PI4K2A: variants seen among roughly 807,000 people sequenced by gnomAD.
The protein encoded by PI4K2A is phosphatidylinositol 4-kinase type 2-alpha.
PI4K2A carries 20 observed loss-of-function variants against 55.0 expected under a neutral mutation model. The ratio of observed to expected loss-of-function variants is 0.36; its 90% CI spans 0.26 to 0.53. The LOEUF (loss-of-function observed/expected upper bound fraction) is 0.53. Ranked by LOEUF, PI4K2A falls within the 20% of genes least tolerant of loss-of-function variation. The probability of loss-of-function intolerance (pLI) is 0.91; values close to 1 mark genes in which losing one functional copy is unlikely to be tolerated. For synonymous variants in PI4K2A, 235 were observed against 258.5 expected, an observed-to-expected ratio of 0.91 and a Z score of 0.87; for missense variants, 463 against 637.1, an observed-to-expected ratio of 0.73 and a Z score of 2.94.
intron 1 of PI4K2A, among the ~76,000 whole-genome samples, chr10:97,642,939 T>C (rs1004829158): frequency 2.0e-5 from 3 of 147,652 alleles, no homozygotes; most frequent in African/African-American, 7.7e-5. Flanking sequence ...CTTTCCTTTC[T>C]TTCTTTCTCT....
chr10:97,664,886 A>T, exon 6 of PI4K2A: 1 of 1,611,688 alleles, frequency 6.2e-7, no homozygotes, highest in Non-Finnish European at 8.5e-7. Flanking sequence ...GCTCTTCAGG[A>T]CACAGACTGG....
rs1297786420 is a variant in PI4K2A, at chr10:97,650,931, G to A, written c.436-10G>A. The A allele has an allele frequency of 1.3e-5, 21 of 1,599,276 alleles. No individual in the cohort carries two copies. Among genetic ancestry groups the A allele is most frequent in the Non-Finnish European group, 1.8e-5 (21 of 1,169,036 alleles). On this transcript the variant is annotated splice_polypyrimidine_tract_variant and intron_variant, in intron 1 of 8. Transcript: ENST00000370631. ...GGATTTAACATCCTCTTTTTCTTTG[G>A]TCTCTGTAGAGGATCATTGCTGTCT...
At chr10:97,643,644 A>G (rs943590718) in intron 1 of PI4K2A, among the ~76,000 whole-genome samples, 3 of 152,192 alleles carry the variant, frequency 2.0e-5, no homozygotes, top group African/African-American at 7.2e-5. Flanking sequence ...TGCCCTGACA[A>G]AACTTTTTGA....
intron 5 of PI4K2A, among the ~76,000 whole-genome samples, chr10:97,663,615 C>T (rs763886981): frequency 3.3e-5 from 5 of 150,722 alleles, no homozygotes; most frequent in South Asian, 2.1e-4. Flanking sequence ...CACCTGAGGT[C>T]AGGAGTTCCA....
At chr10:97,647,916 T>C (rs1297388788) in intron 1 of PI4K2A, among the ~76,000 whole-genome samples, 1 of 68,168 alleles carries the variant, frequency 1.5e-5, no homozygotes, top group African/African-American at 1.3e-4. Flanking sequence ...TTCTGCTTGC[T>C]TTTTTTTTGT....
chr10:97,659,546 T>C (rs2041570769), intron 4 of PI4K2A, among the ~76,000 whole-genome samples: 1 of 152,138 alleles, frequency 6.6e-6, no homozygotes, highest in South Asian at 2.1e-4. Context: ...TCCAGTACTA[T>C]GTTGAATAGA....
At chr10:97,641,319 A>G in intron 1 of PI4K2A, 142 bp downstream of exon 1, 1 of 629,454 alleles carries the variant, frequency 1.6e-6, no homozygotes. Context: ...GCCACTGAGG[A>G]CTGGAGCTGG....
chr10:97,664,821 T>C (rs2041602136), intron 5 of PI4K2A, 64 bp from the exon 6 acceptor site: 2 of 1,046,186 alleles, frequency 1.9e-6, no homozygotes, highest in Non-Finnish European at 3.0e-6. Flanking sequence ...GTTGCTTTGC[T>C]ACTAATTGGA....
At chr10:97,663,673 A>C (rs2041597094) in intron 5 of PI4K2A, among the ~76,000 whole-genome samples, 1 of 151,558 alleles carries the variant, frequency 6.6e-6, no homozygotes, top group Non-Finnish European at 1.5e-5. Flanking sequence ...TGCAAAAATT[A>C]GCCGGGCATG....
intron 2 of PI4K2A, among the ~76,000 whole-genome samples, chr10:97,651,767 CCCCCA>C (rs575609572): frequency 1.4e-4 from 21 of 151,786 alleles, no homozygotes; most frequent in African/African-American, 4.6e-4. Flanking sequence ...TCTCCCCCAA[CCCCCA>C]CCCCCACCAA....
intron 1 of PI4K2A, among the ~76,000 whole-genome samples, chr10:97,643,824 C>T (rs910469601): frequency 6.6e-6 from 1 of 152,210 alleles, no homozygotes; most frequent in East Asian, 1.9e-4. Context: ...ATAGCATTTA[C>T]TATATTCCTT....
chr10:97,641,191 TG>T lies in PI4K2A; in HGVS notation c.435+18del. ...GACCCTCAGGGGGTGAGTGCGGGGG[TG>T]GGGACCGCCGCCGCGGGCTGAGGGC... On this transcript the variant is annotated intron_variant, in intron 1 of 8. Transcript: ENST00000370631. 1.3e-6 allele frequency: 2 copies of T among 1,577,820 alleles called. No homozygotes were observed. Among genetic ancestry groups the T allele is most frequent in the Non-Finnish European group, 8.6e-7 (1 of 1,167,124 alleles).
chr10:97,641,025 G>C, exon 1 of PI4K2A: 1 of 1,582,076 alleles, frequency 6.3e-7, no homozygotes, highest in Non-Finnish European at 8.5e-7. Context: ...AGCCCACGCC[G>C]CTCAGGCCCA....
At position 97,666,995 on chromosome 10, in the gene PI4K2A, G is replaced by C. The variant is rs1002519062; in HGVS notation, c.1219-66G>C. 12 of 1,254,402 alleles carry C rather than the reference G, an allele frequency of 9.6e-6. No individual in the cohort carries two copies. The African/African-American group carries it at 1.5e-4, about 16-fold the overall frequency. 77.7% of individuals were successfully genotyped at this position (1,254,402 alleles called of 1,614,324 possible). ...TTCCTTCTTAGAAAGTTTCTAACTG[G>C]GGGAGAAAATGGGTTCCTGTGAGGC... On this transcript the variant is annotated intron_variant, in intron 7 of 8. Coordinates refer to ENST00000370631, the Ensembl canonical transcript of PI4K2A.
At chr10:97,651,108 A>G (rs1325919554) in exon 2 of PI4K2A, 1 of 1,613,636 alleles carries the variant, frequency 6.2e-7, no homozygotes, top group Admixed American at 1.7e-5. Flanking sequence ...TGGTGGACCA[A>G]AAACTGGAAC....
intron 1 of PI4K2A, among the ~76,000 whole-genome samples, chr10:97,643,903 C>T (rs971092081): frequency 4.6e-5 from 7 of 152,204 alleles, no homozygotes; most frequent in Admixed American, 4.6e-4. Flanking sequence ...CTGTTATTAT[C>T]CCCGCAGGTG....
chr10:97,640,948 C>T lies in PI4K2A; in HGVS notation c.206C>T (p.Ala69Val), dbSNP rs868850846. 35 of 1,399,744 alleles carry T rather than the reference C, an allele frequency of 2.5e-5. No homozygotes were observed. Among genetic ancestry groups the T allele is most frequent in the Middle Eastern group, 5.0e-4 (2 of 4,026 alleles). 86.7% of individuals were successfully genotyped at this position (1,399,744 alleles called of 1,614,324 possible). A position where few individuals can be genotyped will look rare whatever the true frequency, so the allele number is the denominator to read the frequency against. Residue 69 changes from alanine (A) to valine (V), a missense_variant, in exon 1 of 9, where the codon GCG becomes GTG. Physicochemically the swap from Ala to Val is moderately conservative, Grantham distance 64. Around this residue, in one of 2 missense-constraint regions of PI4K2A, gnomAD observed 186 missense variants for 204.5 expected, o/e 0.91. Coordinates refer to ENST00000370631, the Ensembl canonical transcript of PI4K2A. ...CTGTTGGATCGGGCCCGGGGCGCGG[C>T]GGCCCAGGGCCAGACCCAAACCGTG...
At chr10:97,650,471 A>G (rs1282309842) in intron 1 of PI4K2A, among the ~76,000 whole-genome samples, 2 of 152,130 alleles carry the variant, frequency 1.3e-5, no homozygotes, top group East Asian at 3.9e-4. Flanking sequence ...TAGTAGAGAC[A>G]GGGTTTCGCC....
intron 1 of PI4K2A, among the ~76,000 whole-genome samples, chr10:97,645,191 T>C (rs1014627741): frequency 6.6e-6 from 1 of 152,154 alleles, no homozygotes; most frequent in Non-Finnish European, 1.5e-5. Flanking sequence ...AAATGACATA[T>C]CACACATGAA....
Sources: gnomAD v4.1 joint callset for allele counts (sites outside exome capture counted in the v4.1 genomes callset) on GRCh38, gnomAD v4.1.1 for gene constraint, gnomAD v4.1.1 regional missense constraint, MANE v1.5 for transcripts, NCBI Gene and HGNC (gene_info 2026-07-23, HGNC 2026-07-21) for gene names.